The following DLGAP1 variants were observed in gnomAD, a reference collection of about 807,000 sequenced individuals.
DLGAP1 encodes the protein disks large-associated protein 1.
DLGAP1 carries 11 observed loss-of-function variants against 90.8 expected under a neutral mutation model. The observed-to-expected ratio is 0.12, with a 90% CI of 0.08 to 0.20. The LOEUF (loss-of-function observed/expected upper bound fraction) is 0.20, where lower values mean the gene tolerates loss of function less well. Among genes scored for constraint, DLGAP1 ranks in the 10% least tolerant of loss-of-function variants. The pLI is 1.00. For missense variants in DLGAP1, 1,050 were observed against 1,333.8 expected (o/e 0.79, Z 3.31); for synonymous variants, 558 against 540.7 (o/e 1.03, Z -0.44).
chr18:3,508,465 C>T (rs370447104), intron 11 of DLGAP1, 105 bp downstream of exon 11: 7 of 652,786 alleles, frequency 1.1e-5, no homozygotes, highest in East Asian at 3.1e-5. Flanking sequence ...CTCCAATGGA[C>T]CTTGACTTGG....
At chr18:4,300,520 C>G (rs948336732) in intron 1 of DLGAP1, among the ~76,000 whole-genome samples, 1 of 152,096 alleles carries the variant, frequency 6.6e-6, no homozygotes, top group Non-Finnish European at 1.5e-5. Context: ...AAAACTCTTG[C>G]AATACTCTAG....
At chr18:3,599,367 A>T (rs986484313) in intron 7 of DLGAP1, among the ~76,000 whole-genome samples, 1 of 152,204 alleles carries the variant, frequency 6.6e-6, no homozygotes, top group East Asian at 1.9e-4. Flanking sequence ...ACGCCCCTTA[A>T]TGGAGTACTT....
At chr18:4,432,924 C>A (rs888474733) in intron 1 of DLGAP1, among the ~76,000 whole-genome samples, 1 of 151,848 alleles carries the variant, frequency 6.6e-6, no homozygotes, top group South Asian at 2.1e-4. Flanking sequence ...TCATATAGGT[C>A]TTTTTAAAAA....
intron 1 of DLGAP1, among the ~76,000 whole-genome samples, chr18:4,204,419 T>G (rs936900248): frequency 6.6e-6 from 1 of 152,174 alleles, no homozygotes; most frequent in African/African-American, 2.4e-5. Context: ...TTCAAAAATA[T>G]CATTAATTCA....
intron 2 of DLGAP1, among the ~76,000 whole-genome samples, chr18:4,140,647 A>G (rs995464064): frequency 2.0e-5 from 3 of 151,950 alleles, no homozygotes; most frequent in African/African-American, 7.2e-5. Flanking sequence ...TTGCACCTTC[A>G]GGTGATTTAT....
intron 6 of DLGAP1, among the ~76,000 whole-genome samples, chr18:3,733,177 T>G (rs1328921024): frequency 1.3e-5 from 2 of 152,194 alleles, no homozygotes; most frequent in African/African-American, 4.8e-5. Context: ...TCTTTTCTCA[T>G]TTTTACATAG....
intron 3 of DLGAP1, among the ~76,000 whole-genome samples, chr18:3,893,124 A>G (rs1367510784): frequency 6.6e-6 from 1 of 151,902 alleles, no homozygotes; most frequent in East Asian, 1.9e-4. Flanking sequence ...CACATTATTT[A>G]TCTCCTAAGG....
chr18:3,874,188 C>G (rs760051661), intron 4 of DLGAP1: 1 of 1,550,026 alleles, frequency 6.5e-7, no homozygotes. Context: ...AACTTGCACA[C>G]AAACTGAAGA....
intron 9 of DLGAP1, among the ~76,000 whole-genome samples, chr18:3,563,475 GTT>G (rs34564118): frequency 6.5e-5 from 9 of 137,798 alleles, no homozygotes; most frequent in Admixed American, 1.5e-4. Flanking sequence ...TGTTTTTTTG[GTT>G]TTTTTTTTTG....
chr18:4,347,123 G>GA (rs1319643462), intron 1 of DLGAP1, among the ~76,000 whole-genome samples: 9 of 152,152 alleles, frequency 5.9e-5, no homozygotes, highest in Middle Eastern at 3.4e-3. Flanking sequence ...GTTTTCCAGA[G>GA]AATCACGTGT....
At chr18:4,341,445 G>C (rs571813566) in intron 1 of DLGAP1, among the ~76,000 whole-genome samples, 22 of 152,216 alleles carry the variant, frequency 1.4e-4, no homozygotes, top group African/African-American at 4.3e-4. Context: ...ATGATCTAAT[G>C]AAAGGACATA....
chr18:3,595,615 A>T (rs1367660734), intron 7 of DLGAP1, among the ~76,000 whole-genome samples: 2 of 152,230 alleles, frequency 1.3e-5, no homozygotes, highest in Non-Finnish European at 2.9e-5. Flanking sequence ...AGCTAAAGTG[A>T]GTCATGGCCT....
chr18:3,961,414 G>A (rs937522807), intron 3 of DLGAP1, among the ~76,000 whole-genome samples: 25 of 152,088 alleles, frequency 1.6e-4, no homozygotes, highest in African/African-American at 5.5e-4. Flanking sequence ...CCTCCTCCCC[G>A]TCTTTCTTGC....
At chr18:4,122,308 A>C (rs1392528802) in intron 2 of DLGAP1, among the ~76,000 whole-genome samples, 1 of 152,240 alleles carries the variant, frequency 6.6e-6, no homozygotes, top group Admixed American at 6.5e-5. Context: ...CATCACATGC[A>C]GGCGAAAACT....
chr18:3,698,387 CAA>C (rs2061167458), intron 7 of DLGAP1, among the ~76,000 whole-genome samples: 1 of 152,068 alleles, frequency 6.6e-6, no homozygotes, highest in South Asian at 2.1e-4. Flanking sequence ...CTGGTGGTGA[CAA>C]AAATCTCTCA....
At position 3,826,395 on chromosome 18, in the gene DLGAP1, C is replaced by G. The variant is rs148652375; in HGVS notation, c.958-12122G>C. The stretch of plus-strand genomic sequence containing the variant: ...AAATGAAAGCAGGAAAGGGGGAAGA[C>G]TGTGTGGAGGAGAGGTGGGTGGTGG... On this transcript the variant is annotated intron_variant, in intron 4 of 12. Coordinates refer to ENST00000315677, the MANE Select transcript of DLGAP1 (RefSeq NM_004746.4). Among the ~76,000 whole-genome samples, 521 of 152,226 alleles carry G rather than the reference C, an allele frequency of 3.4e-3. 3 individuals are homozygous for G. The highest frequency in any genetic ancestry group is 0.011 in the African/African-American group (451 of 41,532).
Position 4,269,605 on chromosome 18 carries a change from T to C in DLGAP1, c.-266-118318A>G, listed in dbSNP as rs181399483. 6.6e-3 allele frequency among the ~76,000 whole-genome samples: 998 copies of C among 152,124 alleles called. 9 individuals are homozygous for C. The highest frequency in any genetic ancestry group is 0.019 in the African/African-American group (781 of 41,546). On this transcript the variant is annotated intron_variant, in intron 1 of 12. Coordinates refer to ENST00000315677, the MANE Select transcript of DLGAP1 (RefSeq NM_004746.4). Reference sequence around the variant, plus strand: ...TCCTGACCTTGTGATCCACCCGCCTTGGCCTCCCAAAGTGCTGGCATTACA... The same window carrying C: ...TCCTGACCTTGTGATCCACCCGCCTCGGCCTCCCAAAGTGCTGGCATTACA...
chr18:4,009,280 C>T (rs562850516), intron 2 of DLGAP1, among the ~76,000 whole-genome samples: 2 of 152,244 alleles, frequency 1.3e-5, no homozygotes, highest in African/African-American at 2.4e-5. Context: ...TGAGCGGATG[C>T]GGATCATCAG....
chr18:3,689,714 T>A (rs1176857745), intron 7 of DLGAP1, among the ~76,000 whole-genome samples: 1 of 152,056 alleles, frequency 6.6e-6, no homozygotes, highest in Non-Finnish European at 1.5e-5. Context: ...TTCAAGTATC[T>A]CCCAAATTGT....
Sources: gnomAD v4.1 joint callset for allele counts (sites outside exome capture counted in the v4.1 genomes callset) on GRCh38, gnomAD v4.1.1 for gene constraint, MANE v1.5 for transcripts, NCBI Gene and HGNC (gene_info 2026-07-23, HGNC 2026-07-21) for gene names.